Variants in DYRK1A observed in about 807,000 individuals in gnomAD.
DYRK1A encodes dual specificity tyrosine-phosphorylation-regulated kinase 1A.
In DYRK1A, 9 loss-of-function variants were observed where a neutral mutation model predicts 79.7. That is an observed-to-expected ratio of 0.11 (90% CI 0.07 to 0.20). The LOEUF is 0.20. Among genes scored for constraint, DYRK1A ranks in the 10% least tolerant of loss-of-function variants. The probability of loss-of-function intolerance (pLI) is 1.00; values close to 1 mark genes in which losing one functional copy is unlikely to be tolerated. For synonymous variants in DYRK1A, 349 were observed against 329.7 expected, an observed-to-expected ratio of 1.06 and a Z score of -0.63; for missense variants, 622 against 956.0, an observed-to-expected ratio of 0.65 and a Z score of 4.61.
chr21:37,506,129 G>A lies in DYRK1A; in HGVS notation c.1550G>A (p.Arg517Lys). The A allele has an allele frequency of 6.2e-7, 1 of 1,613,418 alleles. No individual in the cohort carries two copies. Among genetic ancestry groups the A allele is most frequent in the Non-Finnish European group, 8.5e-7 (1 of 1,179,410 alleles). ...GGSSGTSNSG[R>K]ARSDPTHQHR... ...TCATCGGGGACAAGCAACAGTGGGAGAGCCCGGTCGGATCCGACGCACCAG... is the reference window on the plus strand; with the variant it reads ...TCATCGGGGACAAGCAACAGTGGGAAAGCCCGGTCGGATCCGACGCACCAG... Residue 517 changes from arginine (R) to lysine (K), a missense_variant, in exon 11 of 12, where the codon AGA becomes AAA. Arg to Lys is a conservative substitution (Grantham distance 26, BLOSUM62 2). This residue lies in a region of DYRK1A where 292 missense variants were observed against 316.7 expected (regional missense o/e 0.92). Transcript: ENST00000647188.
chr21:37,467,120 AAC>A (rs1044665209), intron 2 of DYRK1A, among the ~76,000 whole-genome samples: 19 of 134,676 alleles, frequency 1.4e-4, no homozygotes, highest in South Asian at 6.2e-4. Flanking sequence ...AAAAAAAAAA[AAC>A]AAAACAAAAA....
chr21:37,404,114 C>G (rs1390782242), intron 1 of DYRK1A, among the ~76,000 whole-genome samples: 1 of 151,958 alleles, frequency 6.6e-6, no homozygotes, highest in Non-Finnish European at 1.5e-5. Context: ...TCCAGAGACA[C>G]AGAACCAATA....
intron 2 of DYRK1A, among the ~76,000 whole-genome samples, chr21:37,466,127 T>G (rs1029277678): frequency 4.7e-4 from 71 of 152,328 alleles, no homozygotes; most frequent in African/African-American, 1.6e-3. Context: ...TTGTAATTCT[T>G]TCATAGCTAT....
intron 6 of DYRK1A, chr21:37,488,213 C>G (rs1005876021): frequency 6.4e-6 from 2 of 310,442 alleles, no homozygotes; most frequent in East Asian, 1.7e-4. Flanking sequence ...TACAGATACT[C>G]TTTGGATGAG....
chr21:37,387,323 A>G (rs770163601), intron 1 of DYRK1A, among the ~76,000 whole-genome samples: 1 of 152,196 alleles, frequency 6.6e-6, no homozygotes, highest in Non-Finnish European at 1.5e-5. Context: ...TCAATATTCC[A>G]TGCTTAATTA....
chr21:37,510,023 A>G (rs1267445999), intron 11 of DYRK1A, among the ~76,000 whole-genome samples: 1 of 152,224 alleles, frequency 6.6e-6, no homozygotes, highest in Non-Finnish European at 1.5e-5. Flanking sequence ...CATCTAGATT[A>G]TCAGATCAAA....
In DYRK1A at chr21:37,519,407, C is replaced by G. The variant is rs2053912708; in HGVS notation, c.*6876C>G. 6.6e-6 allele frequency: 1 copy of G among 152,224 alleles called. No homozygotes were observed. Among genetic ancestry groups the G allele is most frequent in the Non-Finnish European group, 1.5e-5 (1 of 68,064 alleles). The allele number at this position is 152,224 out of a possible 1,614,324, so 9.4% of individuals were successfully genotyped here. On this transcript the variant is annotated 3_prime_UTR_variant, in exon 12 of 12. Transcript: ENST00000647188. Reference sequence around the variant, plus strand: ...TGTACAATGGAGATACCTATAGTGTCCACTTAGGAGATGCTGTGCATGCCT... The same window carrying G: ...TGTACAATGGAGATACCTATAGTGTGCACTTAGGAGATGCTGTGCATGCCT...
At position 37,517,811 on chromosome 21, in the gene DYRK1A, A is replaced by G. The variant is rs1427038091; in HGVS notation, c.*5280A>G. ...GGACAGAAAGACTGCAGAGAAGGGC[A>G]CTGCTGGGGTGGGGTTTGTTAACTC... is the stretch of plus-strand genomic sequence containing the variant. On this transcript the variant is annotated 3_prime_UTR_variant, in exon 12 of 12. Transcript: ENST00000647188. 6.6e-6 allele frequency: 1 copy of G among 152,242 alleles called. No individual in the cohort carries two copies. The highest frequency in any genetic ancestry group is 1.5e-5 in the Non-Finnish European group (1 of 68,062). 9.4% of individuals were successfully genotyped at this position (152,242 alleles called of 1,614,324 possible).
intron 8 of DYRK1A, among the ~76,000 whole-genome samples, chr21:37,495,201 T>TGTGG (rs1491244549): frequency 1.5e-5 from 2 of 134,936 alleles, no homozygotes; most frequent in Admixed American, 7.5e-5. Context: ...TGTGTGTGTG[T>TGTGG]GGTTATTTAA....
In DYRK1A at chr21:37,492,905, T is replaced by C. The variant is rs1347596469; in HGVS notation, c.925-112T>C. 9.5e-6 allele frequency: 8 copies of C among 841,254 alleles called. No homozygotes were observed. The Admixed American group carries it at 2.0e-4, about 21-fold the overall frequency. 52.1% of individuals were successfully genotyped at this position (841,254 alleles called of 1,614,324 possible). ...ATGTTGAAGTTAATCAATGGAACCC[T>C]AATTCAGGAATTAGCCAATTCTTTT... is the stretch of plus-strand genomic sequence containing the variant. On this transcript the variant is annotated intron_variant, in intron 7 of 11. Coordinates refer to ENST00000647188, the MANE Select transcript of DYRK1A (RefSeq NM_001347721.2).
Position 37,493,053 on chromosome 21 carries a change from C to G in DYRK1A, c.961C>G (p.Pro321Ala). The stretch of plus-strand genomic sequence containing the variant: ...TATTCAGAGTCGCTTTTATCGGTCT[C>G]CAGAGGTGCTACTGGGAATGCCTTA... ...QYIQSRFYRS[P>A]EVLLGMPYDL... Residue 321 changes from proline to alanine, a missense_variant, in exon 8 of 12, where the codon CCA becomes GCA. Physicochemically the swap from Pro to Ala is conservative, Grantham distance 27. This residue lies in a region of DYRK1A where 138 missense variants were observed against 346.4 expected (regional missense o/e 0.40). Coordinates refer to ENST00000647188, the MANE Select transcript of DYRK1A (RefSeq NM_001347721.2). The G allele has an allele frequency of 6.4e-7, 1 of 1,550,972 alleles. No individual in the cohort carries two copies. The highest frequency in any genetic ancestry group is 8.8e-7 in the Non-Finnish European group (1 of 1,136,592).
intron 1 of DYRK1A, among the ~76,000 whole-genome samples, chr21:37,398,938 A>G (rs1405473531): frequency 6.6e-6 from 1 of 151,234 alleles, no homozygotes; most frequent in Non-Finnish European, 1.5e-5. Context: ...CGCAGAGAGA[A>G]CAGTGTCGGT....
chr21:37,426,916 T>C (rs62222276), intron 2 of DYRK1A, among the ~76,000 whole-genome samples: 98,323 of 122,638 alleles, frequency 0.8, 41,428 homozygotes, highest in South Asian at 0.94. Flanking sequence ...CGAGACTCGG[T>C]TCTAAAAAAA....
At chr21:37,509,712 G>A (rs1002527859) in intron 11 of DYRK1A, among the ~76,000 whole-genome samples, 15 of 152,184 alleles carry the variant, frequency 9.9e-5, no homozygotes, top group African/African-American at 3.6e-4. Context: ...GATGTGAGCC[G>A]TCTTGGCCAC....
At chr21:37,444,431 C>T (rs2051201296) in intron 2 of DYRK1A, among the ~76,000 whole-genome samples, 2 of 152,162 alleles carry the variant, frequency 1.3e-5, no homozygotes. Flanking sequence ...GTCAGGCACG[C>T]ATTAATTTAT....
chr21:37,405,645 A>G (rs1037198409), intron 1 of DYRK1A, among the ~76,000 whole-genome samples: 10 of 152,332 alleles, frequency 6.6e-5, no homozygotes, highest in Admixed American at 6.5e-5. Flanking sequence ...TCACTTGTCA[A>G]ATATCAGAAA....
At chr21:37,365,936 G>A (rs1189603683), upstream of DYRK1A, 2 of 152,152 alleles carry the variant, frequency 1.3e-5, no homozygotes, top group African/African-American at 4.8e-5. Context: ...GCTGGTCTCG[G>A]GCGCCACAAA....
chr21:37,368,728 A>C (rs1422003587), intron 1 of DYRK1A, among the ~76,000 whole-genome samples: 1 of 152,214 alleles, frequency 6.6e-6, no homozygotes, highest in Non-Finnish European at 1.5e-5. Flanking sequence ...GTCTAAGGTC[A>C]TACAGCTGGG....
chr21:37,448,850 C>T (rs765408124), intron 2 of DYRK1A, among the ~76,000 whole-genome samples: 22 of 152,230 alleles, frequency 1.4e-4, no homozygotes, highest in Non-Finnish European at 2.6e-4. Context: ...GCACATGCCA[C>T]CATGCCTGGC....
Sources: gnomAD v4.1 joint callset for allele counts (sites outside exome capture counted in the v4.1 genomes callset) on GRCh38, gnomAD v4.1.1 for gene constraint, gnomAD v4.1.1 regional missense constraint, MANE v1.5 for transcripts, NCBI Gene and HGNC (gene_info 2026-07-23, HGNC 2026-07-21) for gene names.